Variants in NRXN3 observed in about 807,000 individuals in gnomAD.
NRXN3 encodes neurexin III.
Under a neutral mutation model 137.6 loss-of-function variants are expected in NRXN3, and 32 were observed. The observed-to-expected ratio is 0.23, with a 90% CI of 0.18 to 0.31. The LOEUF is 0.31. Ranked by LOEUF, NRXN3 falls within the 10% of genes least tolerant of loss-of-function variation. The pLI is 1.00. For missense variants in NRXN3, 1,574 were observed against 2,062.5 expected, an observed-to-expected ratio of 0.76 and a Z score of 4.59; for synonymous variants, 798 against 784.5, an observed-to-expected ratio of 1.02 and a Z score of -0.29.
At chr14:79,510,543 G>T (rs1054489896) in intron 16 of NRXN3, among the ~76,000 whole-genome samples, 2 of 152,172 alleles carry the variant, frequency 1.3e-5, no homozygotes, top group Non-Finnish European at 2.9e-5. Context: ...ACTGAGGCCA[G>T]ATAGGAAGAC....
At chr14:78,363,653 G>A (rs2085472012) in intron 4 of NRXN3, among the ~76,000 whole-genome samples, 1 of 152,132 alleles carries the variant, frequency 6.6e-6, no homozygotes, top group African/African-American at 2.4e-5. Flanking sequence ...CCATGATAAG[G>A]TGCTATCTGG....
chr14:78,446,016 T>G (rs1261194633), intron 4 of NRXN3, among the ~76,000 whole-genome samples: 1 of 152,112 alleles, frequency 6.6e-6, no homozygotes, highest in Non-Finnish European at 1.5e-5. Context: ...GCTCACAGCT[T>G]CGGCATAGAC....
At chr14:78,613,432 A>G (rs2097316597) in intron 4 of NRXN3, among the ~76,000 whole-genome samples, 1 of 152,154 alleles carries the variant, frequency 6.6e-6, no homozygotes, top group Non-Finnish European at 1.5e-5. Flanking sequence ...TTTATTCATT[A>G]TTCAAAGAAA....
intron 9 of NRXN3, among the ~76,000 whole-genome samples, chr14:78,805,522 C>A (rs1277629783): frequency 6.6e-6 from 1 of 151,580 alleles, no homozygotes; most frequent in African/African-American, 2.4e-5. Flanking sequence ...ACCATCCTAC[C>A]CACCTTAAAT....
intron 15 of NRXN3, among the ~76,000 whole-genome samples, chr14:79,275,731 T>TGG (rs146855479): frequency 5.6e-5 from 8 of 143,058 alleles, no homozygotes; most frequent in Middle Eastern, 3.6e-3. Flanking sequence ...AGGGTGAGGA[T>TGG]GGGGGGGGGG....
At chr14:79,238,729 C>A (rs564282821) in intron 15 of NRXN3, among the ~76,000 whole-genome samples, 18 of 152,164 alleles carry the variant, frequency 1.2e-4, no homozygotes, top group African/African-American at 4.3e-4. Context: ...CAGGTGGTTT[C>A]TAGACAAACT....
At chr14:79,102,800 T>A (rs548869994) in intron 15 of NRXN3, among the ~76,000 whole-genome samples, 1 of 152,262 alleles carries the variant, frequency 6.6e-6, no homozygotes, top group East Asian at 1.9e-4. Flanking sequence ...TATGATAAAT[T>A]ACATGGTAGG....
rs55903783 is a variant in NRXN3 at position 78,940,981 on chromosome 14, G to A, written c.2276-16261G>A. Among the ~76,000 whole-genome samples, 693 of 152,230 alleles carry A rather than the reference G, an allele frequency of 4.6e-3. 7 individuals carry two copies. Among genetic ancestry groups the A allele is most frequent in the African/African-American group, 0.016 (647 of 41,540 alleles). On this transcript the variant is annotated intron_variant, in intron 10 of 20. Coordinates refer to ENST00000335750, the MANE Select transcript of NRXN3 (RefSeq NM_001330195.2). ...GTAGCCTCAAGCAGGATAATTAGTT[G>A]TAATAAGCACATAACCACATTTTCT...
At chr14:78,732,633 A>G (rs2098521714) in intron 8 of NRXN3, among the ~76,000 whole-genome samples, 1 of 152,124 alleles carries the variant, frequency 6.6e-6, no homozygotes, top group African/African-American at 2.4e-5. Flanking sequence ...TTCTTGCTTC[A>G]CAGAAGTCTC....
At chr14:78,271,408 T>C (rs1349425703) in intron 2 of NRXN3, among the ~76,000 whole-genome samples, 2 of 151,654 alleles carry the variant, frequency 1.3e-5, no homozygotes, top group East Asian at 1.9e-4. Context: ...AAATGACAAG[T>C]GGCAAAGCTG....
chr14:79,059,047 A>G (rs980687180), intron 15 of NRXN3, among the ~76,000 whole-genome samples: 12 of 152,148 alleles, frequency 7.9e-5, no homozygotes, highest in Non-Finnish European at 1.5e-4. Flanking sequence ...GTATGTAAAA[A>G]TGGAAGTCCT....
chr14:78,702,432 G>A (rs1407922148), intron 6 of NRXN3, among the ~76,000 whole-genome samples: 1 of 95,074 alleles, frequency 1.1e-5, no homozygotes, highest in Non-Finnish European at 2.3e-5. Flanking sequence ...CCTCAAGAGA[G>A]AATCTTTCTT....
chr14:78,670,266 G>C (rs1373885526), intron 6 of NRXN3, among the ~76,000 whole-genome samples: 1 of 152,132 alleles, frequency 6.6e-6, no homozygotes, highest in Non-Finnish European at 1.5e-5. Context: ...ATCACTGATG[G>C]ACATCTGCGT....
At chr14:78,657,578 A>G (rs1407902486) in intron 6 of NRXN3, among the ~76,000 whole-genome samples, 1 of 152,240 alleles carries the variant, frequency 6.6e-6, no homozygotes, top group African/African-American at 2.4e-5. Context: ...ATAGAACATC[A>G]TTGTGCACAT....
Position 79,712,071 on chromosome 14 carries a change from G to A in NRXN3, c.4014+14134G>A, listed in dbSNP as rs116003577. The stretch of plus-strand genomic sequence containing the variant: ...TTTTCTGAAAACGCAGCTGAAGATA[G>A]ATAGATAGCATCGTGAGACTTAAAA... On this transcript the variant is annotated intron_variant, in intron 19 of 20. Transcript: ENST00000335750. 2.3e-3 allele frequency among the ~76,000 whole-genome samples: 348 copies of A among 152,318 alleles called. 2 individuals are homozygous for A. The highest frequency in any genetic ancestry group is 8.0e-3 in the African/African-American group (334 of 41,574).
At chr14:78,180,883 G>A (rs1471007185) in intron 1 of NRXN3, among the ~76,000 whole-genome samples, 1 of 152,188 alleles carries the variant, frequency 6.6e-6, no homozygotes, top group East Asian at 1.9e-4. Flanking sequence ...ATAAGTTCAA[G>A]CTGTAGTTCT....
At chr14:78,734,938 G>T (rs1567177932) in intron 8 of NRXN3, among the ~76,000 whole-genome samples, 1 of 152,150 alleles carries the variant, frequency 6.6e-6, no homozygotes, top group Admixed American at 6.6e-5. Flanking sequence ...GCAGACCCTT[G>T]AACAGCTATA....
At chr14:79,201,806 C>T (rs1421449648) in intron 15 of NRXN3, among the ~76,000 whole-genome samples, 1 of 152,338 alleles carries the variant, frequency 6.6e-6, no homozygotes, top group South Asian at 2.1e-4. Context: ...GTTTACATAG[C>T]ATTGACCTTT....
intron 6 of NRXN3, among the ~76,000 whole-genome samples, chr14:78,657,818 T>A (rs1316213169): frequency 6.6e-6 from 1 of 152,248 alleles, no homozygotes; most frequent in African/African-American, 2.4e-5. Flanking sequence ...TTTGGGATAA[T>A]GTGTTTGTTG....
Sources: gnomAD v4.1 joint callset for allele counts (sites outside exome capture counted in the v4.1 genomes callset) on GRCh38, gnomAD v4.1.1 for gene constraint, MANE v1.5 for transcripts, NCBI Gene and HGNC (gene_info 2026-07-23, HGNC 2026-07-21) for gene names.